SYN2: variants seen among roughly 807,000 people sequenced by gnomAD.
SYN2 encodes synapsin-2.
A neutral mutation model predicts 50.9 loss-of-function variants in SYN2; 19 were observed. The ratio of observed to expected loss-of-function variants is 0.37; its 90% CI spans 0.26 to 0.55. SYN2 has a LOEUF of 0.55. Ranked by LOEUF, SYN2 falls within the 20% of genes least tolerant of loss-of-function variation. The probability of loss-of-function intolerance (pLI) is 0.81; values close to 1 mark genes in which losing one functional copy is unlikely to be tolerated. For synonymous variants in SYN2, 255 were observed against 224.9 expected, an observed-to-expected ratio of 1.13 and a Z score of -1.20; for missense variants, 587 against 576.4, an observed-to-expected ratio of 1.02 and a Z score of -0.19.
chr3:12,113,884 A>G (rs1201949372), intron 1 of SYN2, among the ~76,000 whole-genome samples: 5 of 151,930 alleles, frequency 3.3e-5, no homozygotes, highest in Non-Finnish European at 5.9e-5. Flanking sequence ...CCTTTTCCCT[A>G]TTGTAAATAG....
At position 12,160,042 on chromosome 3, in the gene SYN2, CAAAAAAAAAAA is replaced by C. The variant is rs3079818; in HGVS notation, c.775-1490_775-1480del. On this transcript the variant is annotated intron_variant, in intron 5 of 12. Transcript: ENST00000621198. ...TGGGCGACAGAGTGAGACTCCGTCT[CAAAAAAAAAAA>C]AAAAAAAAAAAAAGTAAAAGAAAAA... 2.1e-4 allele frequency among the ~76,000 whole-genome samples: 14 copies of C among 67,614 alleles called. 1 individual carries two copies. Among genetic ancestry groups the C allele is most frequent in the Admixed American group, 1.2e-3 (6 of 4,994 alleles). The allele number at this position is 67,614 out of a possible 152,430, so 44.4% of individuals were successfully genotyped here.
chr3:12,096,602 C>G (rs1695939661), intron 1 of SYN2, among the ~76,000 whole-genome samples: 2 of 151,682 alleles, frequency 1.3e-5, no homozygotes, highest in African/African-American at 2.4e-5. Flanking sequence ...TTTTAATTCA[C>G]TACGTAAAAT....
chr3:12,158,686 C>T lies in SYN2; in HGVS notation c.775-2860C>T, dbSNP rs374508996. On this transcript the variant is annotated intron_variant, in intron 5 of 12. Coordinates refer to ENST00000621198, the MANE Select transcript of SYN2 (RefSeq NM_133625.6). ...CAACCACCCCCTGCTGTGGACCTCG[C>T]GGACCTCGGACTCACCAAGTGCCGA... is the stretch of plus-strand genomic sequence containing the variant. 125 of 1,608,978 alleles carry T rather than the reference C, an allele frequency of 7.8e-5. No individual in the cohort carries two copies. In the African/African-American group the frequency reaches 1.1e-3, roughly 14 times the overall value.
intron 11 of SYN2, among the ~76,000 whole-genome samples, chr3:12,186,394 C>T (rs1698342232): frequency 6.6e-6 from 1 of 152,190 alleles, no homozygotes; most frequent in Admixed American, 6.5e-5. Flanking sequence ...GGAAGGAGGA[C>T]CTTTTTCCTC....
At chr3:12,045,525 TAGAG>T (rs981548442) in intron 1 of SYN2, among the ~76,000 whole-genome samples, 2 of 152,216 alleles carry the variant, frequency 1.3e-5, no homozygotes, top group African/African-American at 4.8e-5. Context: ...TTCCGTTACT[TAGAG>T]AGACTACCAC....
chr3:12,034,655 A>G (rs144344101), intron 1 of SYN2, among the ~76,000 whole-genome samples: 3 of 152,258 alleles, frequency 2.0e-5, no homozygotes, highest in Non-Finnish European at 4.4e-5. Context: ...AGAGGGCCAA[A>G]CTTATCCATT....
At chr3:12,182,303 C>T (rs1354075517) in intron 10 of SYN2, among the ~76,000 whole-genome samples, 6 of 152,148 alleles carry the variant, frequency 3.9e-5, no homozygotes, top group African/African-American at 7.2e-5. Flanking sequence ...TGAGGACATG[C>T]TTGTTTTTAG....
rs887173347 is a variant in SYN2, at chr3:12,191,932, T to C, written c.*1307T>C. On this transcript the variant is annotated 3_prime_UTR_variant, in exon 13 of 13. Transcript: ENST00000621198. ...GAGGGATTTCACTCTGGCTGCTTCA[T>C]GACTCCCTGATACTCAAGTATATTT... is the stretch of plus-strand genomic sequence containing the variant. Among the ~76,000 whole-genome samples the C allele has an allele frequency of 3.9e-5, 6 of 152,208 alleles. No individual in the cohort carries two copies. The highest frequency in any genetic ancestry group is 7.3e-5 in the Non-Finnish European group (5 of 68,032).
intron 1 of SYN2, among the ~76,000 whole-genome samples, chr3:12,017,842 T>A (rs1345039155): frequency 6.6e-6 from 1 of 152,230 alleles, no homozygotes; most frequent in East Asian, 1.9e-4. Context: ...CAAACCTAGA[T>A]GAATATTCCT....
chr3:12,058,201 G>A (rs145806770), intron 1 of SYN2, among the ~76,000 whole-genome samples: 3 of 152,126 alleles, frequency 2.0e-5, no homozygotes, highest in African/African-American at 7.2e-5. Context: ...ATAGATTTCT[G>A]ATGTAAGTTG....
At chr3:12,085,124 A>G (rs1219300578) in intron 1 of SYN2, among the ~76,000 whole-genome samples, 2 of 136,628 alleles carry the variant, frequency 1.5e-5, no homozygotes, top group Non-Finnish European at 3.2e-5. Context: ...AAAAAAAAAA[A>G]TATGTTGCCT....
At chr3:12,059,078 G>A (rs1056696946) in intron 1 of SYN2, among the ~76,000 whole-genome samples, 2 of 152,116 alleles carry the variant, frequency 1.3e-5, no homozygotes, top group African/African-American at 2.4e-5. Context: ...TACTTGCCTG[G>A]CACAGTAAGA....
Position 12,190,529 on chromosome 3 carries a change from GTCC to G in SYN2, c.1658_1660del (p.Ser553del), listed in dbSNP as rs776218222. Reference sequence around the variant, plus strand: ...TGACAAATGCCTTCAGCTTCTCTGAGTCCTCCTTCTTCCGGTCTTCAGCCAATG... The same window carrying G: ...TGACAAATGCCTTCAGCTTCTCTGAGTCCTTCTTCCGGTCTTCAGCCAATG... On this transcript the variant is annotated inframe_deletion, in exon 13 of 13. Coordinates refer to ENST00000621198, the MANE Select transcript of SYN2 (RefSeq NM_133625.6). 4 of 1,613,798 alleles carry G rather than the reference GTCC, an allele frequency of 2.5e-6. No homozygotes were observed. Among genetic ancestry groups the G allele is most frequent in the Non-Finnish European group, 3.4e-6 (4 of 1,179,822 alleles).
intron 1 of SYN2, among the ~76,000 whole-genome samples, chr3:12,008,148 C>T (rs1559383900): frequency 6.6e-6 from 1 of 152,136 alleles, no homozygotes; most frequent in South Asian, 2.1e-4. Flanking sequence ...CTCTCACCAG[C>T]GAAGAGATAC....
At position 12,161,395 on chromosome 3, in the gene SYN2, A is replaced by G. The variant is rs1574873645; in HGVS notation, c.775-151A>G. ...GACCCTGGGAACTCACTGTCATTCC[A>G]TGGGTCTCAGTTTTTTAATCTGTAA... is the stretch of plus-strand genomic sequence containing the variant. On this transcript the variant is annotated intron_variant, in intron 5 of 12. Coordinates refer to ENST00000621198, the MANE Select transcript of SYN2 (RefSeq NM_133625.6). 17 of 813,706 alleles carry G rather than the reference A, an allele frequency of 2.1e-5. No individual in the cohort carries two copies. The East Asian group carries it at 4.1e-4, about 19-fold the overall frequency. 50.4% of individuals were successfully genotyped at this position (813,706 alleles called of 1,614,324 possible).
intron 5 of SYN2, among the ~76,000 whole-genome samples, chr3:12,152,053 C>G (rs1038182861): frequency 6.6e-6 from 1 of 152,166 alleles, no homozygotes; most frequent in Non-Finnish European, 1.5e-5. Context: ...AATTGGTGAT[C>G]GTGCTTAACC....
intron 1 of SYN2, among the ~76,000 whole-genome samples, chr3:12,123,083 A>G (rs1376332649): frequency 2.6e-5 from 4 of 152,240 alleles, no homozygotes; most frequent in Non-Finnish European, 5.9e-5. Context: ...AAGAACATGC[A>G]AGCAAAGTGA....
intron 12 of SYN2, among the ~76,000 whole-genome samples, chr3:12,190,143 C>G (rs113817689): frequency 6.6e-6 from 1 of 152,210 alleles, no homozygotes; most frequent in Non-Finnish European, 1.5e-5. Flanking sequence ...TAGGTTAGTT[C>G]TTACCAAGTT....
intron 1 of SYN2, among the ~76,000 whole-genome samples, chr3:12,020,240 C>CA (rs1322880188): frequency 6.6e-6 from 1 of 152,152 alleles, no homozygotes; most frequent in African/African-American, 2.4e-5. Flanking sequence ...AGCCAGAACT[C>CA]AGAGTGGCAT....
Sources: gnomAD v4.1 joint callset for allele counts (sites outside exome capture counted in the v4.1 genomes callset) on GRCh38, gnomAD v4.1.1 for gene constraint, MANE v1.5 for transcripts, NCBI Gene and HGNC (gene_info 2026-07-23, HGNC 2026-07-21) for gene names.